The following CDKL4 variants were observed in gnomAD, a reference collection of about 807,000 sequenced individuals.
The protein encoded by CDKL4 is cyclin-dependent kinase-like 4.
In CDKL4, 44 loss-of-function variants were observed where a neutral mutation model predicts 42.0. The observed-to-expected ratio is 1.05, with a 90% confidence interval of 0.82 to 1.35. CDKL4 has a LOEUF of 1.35. Ranked by LOEUF, CDKL4 falls within the 40% of genes most tolerant of loss-of-function variation. The probability of loss-of-function intolerance (pLI) is 0.00; values close to 1 mark genes in which losing one functional copy is unlikely to be tolerated. For synonymous variants in CDKL4, 120 were observed against 121.6 expected (o/e 0.99, Z 0.09); for missense variants, 393 against 369.9 (o/e 1.06, Z -0.51).
intron 8 of CDKL4, among the ~76,000 whole-genome samples, chr2:39,183,434 G>C (rs776315685): frequency 5.3e-5 from 8 of 152,118 alleles, no homozygotes; most frequent in Non-Finnish European, 7.4e-5. Flanking sequence ...TAAAATAGTC[G>C]AGTAACAAAC....
chr2:39,195,778 G>T (rs1018826752), intron 5 of CDKL4, among the ~76,000 whole-genome samples: 4 of 151,710 alleles, frequency 2.6e-5, no homozygotes, highest in African/African-American at 7.2e-5. Flanking sequence ...GAGTTAGCTG[G>T]GATTACTGGT....
chr2:39,185,600 C>T (rs1449725433), intron 7 of CDKL4, among the ~76,000 whole-genome samples: 2 of 150,516 alleles, frequency 1.3e-5, no homozygotes, highest in African/African-American at 4.9e-5. Flanking sequence ...GTAGCTGGGA[C>T]TACAGGCGCC....
chr2:39,174,517 A>G (rs11124661), downstream of CDKL4, among the ~76,000 whole-genome samples: 112,070 of 152,076 alleles, frequency 0.74, 45,672 homozygotes, highest in Non-Finnish European at 0.91. Context: ...TGTGTTTCTA[A>G]GTGCGGAAGA....
chr2:39,203,037 C>A (rs978696086), intron 5 of CDKL4, among the ~76,000 whole-genome samples: 2 of 152,208 alleles, frequency 1.3e-5, no homozygotes, highest in African/African-American at 4.8e-5. Context: ...GTTCACCATT[C>A]AGACTTCTGG....
intron 9 of CDKL4, 142 bp from the exon 10 acceptor site, chr2:39,176,238 T>C (rs1219387961): frequency 9.1e-6 from 3 of 330,016 alleles, no homozygotes; most frequent in African/African-American, 6.4e-5. Context: ...TAAGTAGGGT[T>C]ACCTTTCCAA....
chr2:39,191,808 C>T (rs1676200668), intron 5 of CDKL4, among the ~76,000 whole-genome samples: 1 of 152,140 alleles, frequency 6.6e-6, no homozygotes, highest in South Asian at 2.1e-4. Flanking sequence ...AAGCCAATCC[C>T]AGAATCATCA....
At chr2:39,241,858 A>G (rs1388557774) in intron 1 of CDKL4, among the ~76,000 whole-genome samples, 3 of 152,116 alleles carry the variant, frequency 2.0e-5, no homozygotes, top group East Asian at 3.9e-4. Flanking sequence ...CTGTGGCCCT[A>G]CCGTAATGTT....
In CDKL4 at chr2:39,229,343, C is replaced by CAT. The variant is rs568272885; in HGVS notation, c.168+20_168+21dup. The CAT allele has an allele frequency of 1.9e-4, 281 of 1,460,956 alleles. No individual in the cohort carries two copies. The African/African-American group carries it at 3.8e-3, about 20-fold the overall frequency. The allele number at this position is 1,460,956 out of a possible 1,614,324, so 90.5% of individuals were successfully genotyped here. A position where few individuals can be genotyped will look rare whatever the true frequency, so the allele number is the denominator to read the frequency against. ...TTTCACTCAATTCCATGATATTTTA[C>CAT]ATATATATAAAGTTAACTTACCTTC... On this transcript the variant is annotated intron_variant, in intron 2 of 9. Transcript: ENST00000451199.
At chr2:39,230,515 C>T (rs1327127594) in intron 1 of CDKL4, among the ~76,000 whole-genome samples, 2 of 152,176 alleles carry the variant, frequency 1.3e-5, no homozygotes, top group Admixed American at 6.5e-5. Flanking sequence ...TATGGAAATA[C>T]TGGGTTTTTC....
Position 39,228,765 on chromosome 2 carries a change from G to C in CDKL4, c.168+600C>G, listed in dbSNP as rs73922855. On this transcript the variant is annotated intron_variant, in intron 2 of 9. Coordinates refer to ENST00000451199, the Ensembl canonical transcript of CDKL4. Reference sequence around the variant, plus strand: ...GTTGTTAGATAAGAAGCATCTCTACGGTCGCTTATAGATCTAAAACTGTAA... The same window carrying C: ...GTTGTTAGATAAGAAGCATCTCTACCGTCGCTTATAGATCTAAAACTGTAA... Among the ~76,000 whole-genome samples, 1,313 of 152,288 alleles carry C rather than the reference G, an allele frequency of 8.6e-3. 25 individuals carry two copies. The highest frequency in any genetic ancestry group is 0.029 in the African/African-American group (1,225 of 41,546).
chr2:39,190,610 C>T, intron 5 of CDKL4, 108 bp from the exon 6 acceptor site: 1 of 863,466 alleles, frequency 1.2e-6, no homozygotes, highest in Non-Finnish European at 1.9e-6. Flanking sequence ...GGCCATGATA[C>T]TCTTAAGGGT....
At chr2:39,235,709 T>C (rs1304378289) in intron 1 of CDKL4, among the ~76,000 whole-genome samples, 2 of 152,154 alleles carry the variant, frequency 1.3e-5, no homozygotes, top group Non-Finnish European at 2.9e-5. Context: ...ACTATGATCA[T>C]GCCACTGCAC....
intron 4 of CDKL4, among the ~76,000 whole-genome samples, chr2:39,210,627 T>C (rs1050059134): frequency 1.3e-5 from 2 of 152,196 alleles, no homozygotes; most frequent in African/African-American, 2.4e-5. Flanking sequence ...TATAACCAAG[T>C]ACCCAGGAAA....
chr2:39,220,992 T>TG (rs1678301879), intron 3 of CDKL4, among the ~76,000 whole-genome samples: 7 of 42,038 alleles, frequency 1.7e-4, no homozygotes, highest in South Asian at 1.0e-3. Context: ...TTTTTTTTTT[T>TG]TTTTTTTTGT....
chr2:39,217,163 T>G (rs892596863), intron 3 of CDKL4, among the ~76,000 whole-genome samples: 25 of 152,186 alleles, frequency 1.6e-4, no homozygotes, highest in Non-Finnish European at 7.4e-5. Context: ...TGGAGCAAAA[T>G]GAACCTCTGG....
chr2:39,240,499 CTAA>C (rs1326915262), intron 1 of CDKL4, among the ~76,000 whole-genome samples: 5 of 150,926 alleles, frequency 3.3e-5, no homozygotes, highest in Non-Finnish European at 7.4e-5. Context: ...TAAAATAGAT[CTAA>C]CAATGACATG....
intron 3 of CDKL4, among the ~76,000 whole-genome samples, chr2:39,214,612 C>G (rs1677801662): frequency 6.6e-6 from 1 of 152,180 alleles, no homozygotes; most frequent in Non-Finnish European, 1.5e-5. Flanking sequence ...ATGGTAGGCA[C>G]CCATTACATT....
intron 2 of CDKL4, 149 bp downstream of exon 2, chr2:39,229,216 A>G (rs962803513): frequency 3.3e-6 from 2 of 611,862 alleles, no homozygotes; most frequent in African/African-American, 3.8e-5. Context: ...GCCGAAGTCC[A>G]AAGTGATAAT....
Position 39,242,306 on chromosome 2 carries a change from A to G in CDKL4, c.-57+1565T>C, listed in dbSNP as rs116154416. On this transcript the variant is annotated intron_variant, in intron 1 of 9. Coordinates refer to ENST00000451199, the Ensembl canonical transcript of CDKL4. Reference sequence around the variant, plus strand: ...AGTGATTCTCCCATTTTGGCCTCCCAAAGTGCAGCAGTTACTGGCATGAGC... The same window carrying G: ...AGTGATTCTCCCATTTTGGCCTCCCGAAGTGCAGCAGTTACTGGCATGAGC... Among the ~76,000 whole-genome samples the G allele has an allele frequency of 4.0e-3, 605 of 152,312 alleles. 5 individuals are homozygous for G. Among genetic ancestry groups the G allele is most frequent in the African/African-American group, 0.014 (576 of 41,564 alleles).
Sources: gnomAD v4.1 joint callset for allele counts (sites outside exome capture counted in the v4.1 genomes callset) on GRCh38, gnomAD v4.1.1 for gene constraint, MANE v1.5 for transcripts, NCBI Gene and HGNC (gene_info 2026-07-23, HGNC 2026-07-21) for gene names.